The following SHQ1 variants were observed in gnomAD, a reference collection of about 807,000 sequenced individuals.
SHQ1 encodes the protein protein SHQ1 homolog.
SHQ1 carries 49 observed loss-of-function variants against 53.8 expected under a neutral mutation model. The observed-to-expected ratio is 0.91, with a 90% CI of 0.72 to 1.16. The LOEUF (loss-of-function observed/expected upper bound fraction) is 1.16, where lower values mean the gene tolerates loss of function less well. Ranked by LOEUF, SHQ1 falls within the 50% of genes most tolerant of loss-of-function variation. The probability of loss-of-function intolerance (pLI) is 0.00; values close to 1 mark genes in which losing one functional copy is unlikely to be tolerated. For missense variants in SHQ1, 738 were observed against 683.1 expected (o/e 1.08, Z -0.90); for synonymous variants, 243 against 251.0 (o/e 0.97, Z 0.30).
At position 72,766,284 on chromosome 3, in the gene SHQ1, C is replaced by T. The variant is rs77322915; in HGVS notation, c.1182-15448G>A. On this transcript the variant is annotated intron_variant, in intron 10 of 10. Transcript: ENST00000325599. ...CCAGTTCTACAAGCCATCTGGATGC[C>T]GATTCTGACATAGCTAATTGCTAGT... Among the ~76,000 whole-genome samples, 150 of 152,228 alleles carry T rather than the reference C, an allele frequency of 9.9e-4. 3 individuals are homozygous for T. The East Asian group carries it at 0.024, about 24-fold the overall frequency.
chr3:72,811,232 A>G (rs1395183572), intron 9 of SHQ1, among the ~76,000 whole-genome samples: 1 of 152,192 alleles, frequency 6.6e-6, no homozygotes, highest in South Asian at 2.1e-4. Flanking sequence ...GGTTTTGCCA[A>G]TTCTCCATCT....
At chr3:72,793,663 A>G in intron 9 of SHQ1, 1 of 152,346 alleles carries the variant, frequency 6.6e-6, no homozygotes, top group African/African-American at 2.4e-5. Flanking sequence ...TAAATGCATC[A>G]TAATTTTTAT....
the SHQ1 span, among the ~76,000 whole-genome samples, chr3:72,741,766 CA>C: frequency 6.6e-6 from 1 of 152,090 alleles, no homozygotes; most frequent in Non-Finnish European, 1.5e-5. Flanking sequence ...TGGGGTTTCA[CA>C]TCCATGACTT....
At chr3:72,790,424 T>C (rs1267462901) in intron 10 of SHQ1, among the ~76,000 whole-genome samples, 1 of 152,220 alleles carries the variant, frequency 6.6e-6, no homozygotes, top group African/African-American at 2.4e-5. Flanking sequence ...AAACCTTACA[T>C]AGTTTTTATT....
chr3:72,784,257 G>T lies in SHQ1; in HGVS notation c.1181+8659C>A, dbSNP rs567421997. Among the ~76,000 whole-genome samples the T allele has an allele frequency of 4.0e-5, 6 of 151,800 alleles. No individual in the cohort carries two copies. The East Asian group carries it at 1.2e-3, about 29-fold the overall frequency. ...AGTTTTTTCAATACACTTAGTTACA[G>T]GAAGCATTCATATCTTTATAAAAGG... On this transcript the variant is annotated intron_variant, in intron 10 of 10. Coordinates refer to ENST00000325599, the MANE Select transcript of SHQ1 (RefSeq NM_018130.3).
At chr3:72,754,944 T>C (rs1705468515) in intron 10 of SHQ1, among the ~76,000 whole-genome samples, 1 of 152,256 alleles carries the variant, frequency 6.6e-6, no homozygotes, top group African/African-American at 2.4e-5. Context: ...GTTGATATTA[T>C]TTGGATCTTT....
At chr3:72,753,385 G>A (rs1288189229) in intron 10 of SHQ1, 4 of 985,284 alleles carry the variant, frequency 4.1e-6, no homozygotes, top group African/African-American at 1.7e-5. Flanking sequence ...AACAAAGATG[G>A]TATTTTAATC....
intron 1 of SHQ1, among the ~76,000 whole-genome samples, chr3:72,845,781 G>C (rs776749069): frequency 2.0e-5 from 3 of 152,048 alleles, no homozygotes; most frequent in Non-Finnish European, 4.4e-5. Flanking sequence ...AAAAACAGCT[G>C]ACAGTCCCAA....
Position 72,817,367 on chromosome 3 carries a change from C to A in SHQ1, c.745G>T (p.Glu249Ter). 6.2e-7 allele frequency: 1 copy of A among 1,609,998 alleles called. No homozygotes were observed. The highest frequency in any genetic ancestry group is 8.5e-7 in the Non-Finnish European group (1 of 1,177,838). The change falls in exon 7 of 11, where the codon GAG (glutamate) becomes TAG (stop). Residue 249 changes from glutamate to a stop codon, truncating the protein, a stop_gained. Transcript: ENST00000325599. LOFTEE classifies it high-confidence loss of function. Reference protein sequence around the residue: ...HATLVSFSEEEKYQLRKFVNK... With the variant: ...HATLVSFSEE ...ACAAATTTTCGTAGCTGATACTTCT[C>A]TTCTTCAGAAAAAGACACTAGAAGA...
At chr3:72,727,187 G>C in the SHQ1 span, among the ~76,000 whole-genome samples, 1 of 152,176 alleles carries the variant, frequency 6.6e-6, no homozygotes, top group Non-Finnish European at 1.5e-5. Flanking sequence ...TTCAGCAATA[G>C]CAAGAATTCA....
the SHQ1 span, among the ~76,000 whole-genome samples, chr3:72,733,500 C>T: frequency 1.3e-5 from 2 of 151,582 alleles, no homozygotes; most frequent in African/African-American, 2.4e-5. Flanking sequence ...CCAGTATGGT[C>T]TAGTCTCCCC....
intron 6 of SHQ1, among the ~76,000 whole-genome samples, chr3:72,820,777 A>G (rs1213619467): frequency 6.6e-6 from 1 of 152,224 alleles, no homozygotes; most frequent in East Asian, 1.9e-4. Flanking sequence ...CCAGTGAAAC[A>G]AAAGTCAGCT....
At position 72,754,349 on chromosome 3, in the gene SHQ1, G is replaced by A. The variant is rs533460270; in HGVS notation, c.1182-3513C>T. ...CAAAGGGCCTCCCATGAATATACAG[G>A]CTCTGCAAAGTGTTCTTCTCTTCTT... On this transcript the variant is annotated intron_variant, in intron 10 of 10. Transcript: ENST00000325599. 7.7e-4 allele frequency among the ~76,000 whole-genome samples: 117 copies of A among 151,646 alleles called. 1 individual carries two copies. Among genetic ancestry groups the A allele is most frequent in the Non-Finnish European group, 1.3e-3 (91 of 67,894 alleles).
intron 10 of SHQ1, among the ~76,000 whole-genome samples, chr3:72,771,261 T>C (rs1705844515): frequency 6.6e-6 from 1 of 152,172 alleles, no homozygotes; most frequent in South Asian, 2.1e-4. Context: ...GACTGCTCAT[T>C]AGATTTCAAG....
intron 10 of SHQ1, among the ~76,000 whole-genome samples, chr3:72,778,382 G>A (rs1259526159): frequency 1.3e-5 from 2 of 151,982 alleles, no homozygotes; most frequent in South Asian, 2.1e-4. Flanking sequence ...TCAGGAGTTT[G>A]AGGCTGCAGT....
At chr3:72,826,507 C>T (rs1219915010) in intron 5 of SHQ1, among the ~76,000 whole-genome samples, 1 of 152,246 alleles carries the variant, frequency 6.6e-6, no homozygotes, top group African/African-American at 2.4e-5. Context: ...CCATGTTAGG[C>T]ACTGGAGTTC....
chr3:72,757,042 A>G (rs1705511664), intron 10 of SHQ1, among the ~76,000 whole-genome samples: 1 of 152,264 alleles, frequency 6.6e-6, no homozygotes, highest in Admixed American at 6.5e-5. Flanking sequence ...GGAACTGGGT[A>G]TAAATGGAAA....
intron 10 of SHQ1, among the ~76,000 whole-genome samples, chr3:72,769,658 T>C (rs1559664031): frequency 1.3e-5 from 2 of 152,184 alleles, no homozygotes; most frequent in East Asian, 1.9e-4. Flanking sequence ...CTCCTCTTCT[T>C]TGAATCACTA....
chr3:72,738,629 C>A, the SHQ1 span, among the ~76,000 whole-genome samples: 1 of 152,178 alleles, frequency 6.6e-6, no homozygotes, highest in Non-Finnish European at 1.5e-5. Flanking sequence ...GGAAATCCTG[C>A]GGGTGCCTTC....
Sources: allele counts gnomAD v4.1 joint callset (sites outside exome capture counted in the v4.1 genomes callset), GRCh38; gene constraint gnomAD v4.1.1; transcripts MANE v1.5; gene names NCBI Gene and HGNC (gene_info 2026-07-23, HGNC 2026-07-21).